Variants in TTC28 observed in about 807,000 individuals in gnomAD.
TTC28 encodes tetratricopeptide repeat domain 28.
Under a neutral mutation model 198.0 loss-of-function variants are expected in TTC28, and 61 were observed. That is an observed-to-expected ratio of 0.31 (90% CI 0.25 to 0.38). The LOEUF (loss-of-function observed/expected upper bound fraction) is 0.38, where lower values mean the gene tolerates loss of function less well. TTC28 is among the 10% of genes least tolerant of loss of function. The pLI is 1.00. For missense variants in TTC28, 2,678 were observed against 3,164.0 expected (o/e 0.85, Z 3.69); for synonymous variants, 1,171 against 1,297.8 (o/e 0.90, Z 2.10).
At position 28,048,077 on chromosome 22, in the gene TTC28, T is replaced by TAGGAGGTTTTTTTCTGCTTGGGTA. The variant is rs564688606; in HGVS notation, c.3933-17735_3933-17712dup. On this transcript the variant is annotated intron_variant, in intron 12 of 22. Coordinates refer to ENST00000397906, the MANE Select transcript of TTC28 (RefSeq NM_001145418.2). ...GGGCACGTAGCCATTCTTGTCAACCTAGGAGGTTTTTTTCTGCTTGGGTAA... is the reference window on the plus strand; with the variant it reads ...GGGCACGTAGCCATTCTTGTCAACCTAGGAGGTTTTTTTCTGCTTGGGTAAGGAGGTTTTTTTCTGCTTGGGTAA... Among the ~76,000 whole-genome samples the TAGGAGGTTTTTTTCTGCTTGGGTA allele has an allele frequency of 1.1e-3, 172 of 151,930 alleles. 1 individual carries two copies. The highest frequency in any genetic ancestry group is 3.9e-3 in the African/African-American group (162 of 41,426).
intron 1 of TTC28, among the ~76,000 whole-genome samples, chr22:28,670,667 A>C (rs969047499): frequency 6.8e-6 from 1 of 147,880 alleles, no homozygotes; most frequent in Non-Finnish European, 1.5e-5. Context: ...TGTTCACACA[A>C]GTTTTTGTGT....
chr22:28,589,356 T>C (rs2146083671), intron 2 of TTC28, among the ~76,000 whole-genome samples: 1 of 152,328 alleles, frequency 6.6e-6, no homozygotes, highest in South Asian at 2.1e-4. Flanking sequence ...AACTAAGCTG[T>C]TTATCTGACT....
intron 3 of TTC28, among the ~76,000 whole-genome samples, chr22:28,299,015 G>A (rs2044960162): frequency 6.6e-6 from 1 of 152,040 alleles, no homozygotes; most frequent in Non-Finnish European, 1.5e-5. Flanking sequence ...ATTTTCATAT[G>A]GTATTAAAAG....
chr22:28,024,299 TGA>T (rs1938733470), intron 13 of TTC28, among the ~76,000 whole-genome samples: 1 of 152,202 alleles, frequency 6.6e-6, no homozygotes, highest in African/African-American at 2.4e-5. Context: ...ATGCTGTGTT[TGA>T]GACAGTGCCT....
At chr22:28,670,102 G>GA (rs1944347229) in intron 1 of TTC28, among the ~76,000 whole-genome samples, 1 of 147,830 alleles carries the variant, frequency 6.8e-6, no homozygotes, top group Non-Finnish European at 1.5e-5. Flanking sequence ...TAAAAATGGG[G>GA]GGGGGGCAAA....
At chr22:28,381,602 G>A (rs760223351) in intron 2 of TTC28, among the ~76,000 whole-genome samples, 2 of 152,012 alleles carry the variant, frequency 1.3e-5, no homozygotes, top group Non-Finnish European at 1.5e-5. Context: ...ATCACTGCTC[G>A]CAAGTAACTG....
At chr22:28,068,225 G>A (rs190987236) in intron 12 of TTC28, among the ~76,000 whole-genome samples, 7 of 152,222 alleles carry the variant, frequency 4.6e-5, no homozygotes, top group East Asian at 3.9e-4. Flanking sequence ...TGGAAAAAGC[G>A]GTAAATTGGC....
At chr22:28,152,703 T>C (rs1454211494) in intron 6 of TTC28, among the ~76,000 whole-genome samples, 1 of 152,230 alleles carries the variant, frequency 6.6e-6, no homozygotes, top group African/African-American at 2.4e-5. Flanking sequence ...CATATATCAT[T>C]CTGAGAATCT....
At chr22:28,040,157 T>C (rs1052944966) in intron 12 of TTC28, among the ~76,000 whole-genome samples, 1 of 152,016 alleles carries the variant, frequency 6.6e-6, no homozygotes, top group African/African-American at 2.4e-5. Flanking sequence ...CTACCAGCAG[T>C]ACAAAGAGGA....
At chr22:28,554,681 G>A (rs1204141611) in intron 2 of TTC28, among the ~76,000 whole-genome samples, 1 of 152,018 alleles carries the variant, frequency 6.6e-6, no homozygotes, top group African/African-American at 2.4e-5. Context: ...GACCAGCCTG[G>A]CCAACATGGT....
intron 5 of TTC28, among the ~76,000 whole-genome samples, chr22:28,178,111 A>G (rs1357538712): frequency 6.6e-6 from 1 of 152,174 alleles, no homozygotes; most frequent in African/African-American, 2.4e-5. Context: ...GGGTATGTGG[A>G]AACTCTATAC....
At chr22:28,359,914 A>G (rs1339919547) in intron 2 of TTC28, among the ~76,000 whole-genome samples, 1 of 152,098 alleles carries the variant, frequency 6.6e-6, no homozygotes, top group African/African-American at 2.4e-5. Flanking sequence ...ATGACATTAT[A>G]AAAATACCAT....
chr22:28,306,755 T>A, intron 2 of TTC28, 112 bp from the exon 3 acceptor site: 1 of 1,168,764 alleles, frequency 8.6e-7, no homozygotes, highest in Non-Finnish European at 1.2e-6. Context: ...GTACTTGATT[T>A]AAAAACCTAG....
intron 2 of TTC28, among the ~76,000 whole-genome samples, chr22:28,340,356 A>T (rs2145904950): frequency 6.6e-6 from 1 of 152,200 alleles, no homozygotes; most frequent in Middle Eastern, 3.4e-3. Flanking sequence ...AGGCATACCA[A>T]ACGTCTCCTT....
At chr22:28,408,479 T>G (rs924291661) in intron 2 of TTC28, among the ~76,000 whole-genome samples, 1 of 152,076 alleles carries the variant, frequency 6.6e-6, no homozygotes, top group Admixed American at 6.6e-5. Flanking sequence ...CAACCTCTGC[T>G]GCGCAGGTTC....
intron 8 of TTC28, among the ~76,000 whole-genome samples, chr22:28,102,715 A>C (rs912354643): frequency 7.2e-5 from 11 of 152,210 alleles, no homozygotes; most frequent in Admixed American, 3.3e-4. Context: ...AAAGGAACTG[A>C]GTCTGTTGAG....
At chr22:28,052,104 G>A (rs1469750370) in intron 12 of TTC28, among the ~76,000 whole-genome samples, 1 of 152,110 alleles carries the variant, frequency 6.6e-6, no homozygotes, top group Non-Finnish European at 1.5e-5. Context: ...AAAAGAGATG[G>A]AATTTGTATT....
chr22:28,584,021 T>TG (rs1385553822), intron 2 of TTC28, among the ~76,000 whole-genome samples: 2 of 120,432 alleles, frequency 1.7e-5, no homozygotes, highest in African/African-American at 6.6e-5. Context: ...GTTTTGTTTT[T>TG]TTTTTTTTTT....
chr22:28,055,460 T>G (rs1440676056), intron 12 of TTC28, among the ~76,000 whole-genome samples: 1 of 152,142 alleles, frequency 6.6e-6, no homozygotes, highest in Non-Finnish European at 1.5e-5. Flanking sequence ...GTTCTGAAGT[T>G]AAAGAAGTCA....
Sources: allele counts gnomAD v4.1 joint callset (sites outside exome capture counted in the v4.1 genomes callset), GRCh38; gene constraint gnomAD v4.1.1; transcripts MANE v1.5; gene names NCBI Gene and HGNC (gene_info 2026-07-23, HGNC 2026-07-21).